PGM2L1: variants seen among roughly 807,000 people sequenced by gnomAD.
PGM2L1 encodes phosphoglucomutase 2 like 1.
Under a neutral mutation model 73.4 loss-of-function variants are expected in PGM2L1, and 35 were observed. The observed-to-expected ratio is 0.48, with a 90% CI of 0.36 to 0.63. The LOEUF is 0.63. Ranked by LOEUF, PGM2L1 falls within the 30% of genes least tolerant of loss-of-function variation. The probability of loss-of-function intolerance (pLI) is 0.00; values close to 1 mark genes in which losing one functional copy is unlikely to be tolerated. For synonymous variants in PGM2L1, 225 were observed against 253.8 expected, an observed-to-expected ratio of 0.89 and a Z score of 1.08; for missense variants, 570 against 742.0, an observed-to-expected ratio of 0.77 and a Z score of 2.69.
chr11:74,370,078 G>A (rs969256642), intron 4 of PGM2L1, among the ~76,000 whole-genome samples: 1 of 152,076 alleles, frequency 6.6e-6, no homozygotes, highest in Non-Finnish European at 1.5e-5. Flanking sequence ...AAGAAATAAA[G>A]TACTTTAGTT....
chr11:74,343,055 A>G (rs372122148), intron 10 of PGM2L1, 41 bp from the exon 11 acceptor site: 3 of 1,558,374 alleles, frequency 1.9e-6, no homozygotes, highest in Admixed American at 4.3e-5. Context: ...GGAAAACTTA[A>G]GGCTATAATT....
chr11:74,384,668 G>GT lies in PGM2L1; in HGVS notation c.112-10087dup, dbSNP rs552679996. 5.9e-5 allele frequency among the ~76,000 whole-genome samples: 9 copies of GT among 152,124 alleles called. No individual in the cohort carries two copies. The East Asian group carries it at 9.6e-4, about 16-fold the overall frequency. ...TCCCTCCAGGAAACTTGTTGTTGTTGTTGTTTGTTTGTTTGTTGTTTTGCT... is the reference window on the plus strand; with the variant it reads ...TCCCTCCAGGAAACTTGTTGTTGTTGTTTGTTTGTTTGTTTGTTGTTTTGCT... On this transcript the variant is annotated intron_variant, in intron 1 of 13. Transcript: ENST00000298198.
intron 5 of PGM2L1, among the ~76,000 whole-genome samples, chr11:74,359,570 T>C (rs1862521380): frequency 6.6e-6 from 1 of 151,850 alleles, no homozygotes; most frequent in African/African-American, 2.4e-5. Context: ...CATACATATA[T>C]ATATATATAT....
chr11:74,343,142 T>C (rs1401152845), intron 10 of PGM2L1, 128 bp from the exon 11 acceptor site: 14 of 1,343,696 alleles, frequency 1.0e-5, no homozygotes, highest in Non-Finnish European at 1.4e-5. Context: ...CAATACTGAG[T>C]GTATTTAGGG....
rs1862205670 is a variant in PGM2L1 at position 74,342,980 on chromosome 11, A to G, written c.1347T>C (p.Asp449=). 1 of 1,607,828 alleles carries G rather than the reference A, an allele frequency of 6.2e-7. No homozygotes were observed. Among genetic ancestry groups the G allele is most frequent in the African/African-American group, 1.3e-5 (1 of 74,668 alleles). Residue 449 remains aspartate (D), a synonymous_variant, in exon 11 of 14, where the codon GAT becomes GAC. Transcript: ENST00000298198. ...FLCGTSVLDK[D]GVSAAVVVAE... is the part of the protein sequence containing the mutation. ...CAACCACAACAGCTGCACTCACCCCATCTTTATCCAAAACTGAAGTTCCAC... is the reference window on the plus strand; with the variant it reads ...CAACCACAACAGCTGCACTCACCCCGTCTTTATCCAAAACTGAAGTTCCAC...
rs1457494386 is a variant in PGM2L1, at chr11:74,330,498, C to T, written c.*6154G>A. The stretch of plus-strand genomic sequence containing the variant: ...GTTAAAACAAGGGCACAATTTTGAA[C>T]TACTGCTACACACTTTAGTCAGAAA... On this transcript the variant is annotated 3_prime_UTR_variant, in exon 14 of 14. Coordinates refer to ENST00000298198, the MANE Select transcript of PGM2L1 (RefSeq NM_173582.6). The T allele has an allele frequency of 1.3e-5, 2 of 152,610 alleles. No homozygotes were observed. The highest frequency in any genetic ancestry group is 2.4e-5 in the African/African-American group (1 of 41,442). 9.5% of individuals were successfully genotyped at this position (152,610 alleles called of 1,614,324 possible).
chr11:74,346,685 T>C lies in PGM2L1; in HGVS notation c.1037+47A>G, dbSNP rs200709058. The C allele has an allele frequency of 7.6e-5, 109 of 1,437,910 alleles. No individual in the cohort carries two copies. The African/African-American group carries it at 1.4e-3, about 18-fold the overall frequency. The allele number at this position is 1,437,910 out of a possible 1,614,324, so 89.1% of individuals were successfully genotyped here. ...TGAGCCTGTAAGACTTAAAATACATTGCTTTTCAAAGTTCAAGCTTTTAAT... is the reference window on the plus strand; with the variant it reads ...TGAGCCTGTAAGACTTAAAATACATCGCTTTTCAAAGTTCAAGCTTTTAAT... On this transcript the variant is annotated intron_variant, in intron 8 of 13. Transcript: ENST00000298198.
intron 5 of PGM2L1, among the ~76,000 whole-genome samples, chr11:74,364,747 C>T (rs997379944): frequency 2.6e-5 from 4 of 152,196 alleles, no homozygotes; most frequent in African/African-American, 9.7e-5. Context: ...ATTCCATGCT[C>T]ATGGATAGGA....
chr11:74,362,970 T>C (rs1272171364), intron 5 of PGM2L1, among the ~76,000 whole-genome samples: 12 of 152,158 alleles, frequency 7.9e-5, no homozygotes, highest in Non-Finnish European at 1.5e-4. Flanking sequence ...TGTTCCAAAA[T>C]TGACCACATA....
intron 1 of PGM2L1, among the ~76,000 whole-genome samples, chr11:74,380,396 C>G (rs1158138824): frequency 6.6e-6 from 1 of 151,996 alleles, no homozygotes; most frequent in Non-Finnish European, 1.5e-5. Flanking sequence ...TTGTGTAATT[C>G]TAAATTTAAT....
chr11:74,339,638 G>C (rs1161900060), intron 12 of PGM2L1, among the ~76,000 whole-genome samples: 2 of 151,992 alleles, frequency 1.3e-5, no homozygotes. Flanking sequence ...TTGAATTCAG[G>C]TGACCATCAC....
intron 5 of PGM2L1, among the ~76,000 whole-genome samples, chr11:74,366,327 G>A (rs1336137902): frequency 4.0e-5 from 6 of 149,390 alleles, no homozygotes; most frequent in Admixed American, 6.7e-5. Context: ...AAACCTGCAC[G>A]TTGTGCACAT....
At position 74,389,775 on chromosome 11, in the gene PGM2L1, A is replaced by G. The variant is rs2134953502; in HGVS notation, c.111+8276T>C. On this transcript the variant is annotated intron_variant, in intron 1 of 13. Transcript: ENST00000298198. ...GGGAAAATAATTTTAGATCAAAGAC[A>G]TATCCGAATAGGTTTCTAACGGCCT... Among the ~76,000 whole-genome samples, 3 of 150,520 alleles carry G rather than the reference A, an allele frequency of 2.0e-5. No homozygotes were observed. In the Middle Eastern group the frequency reaches 0.01, roughly 515 times the overall value.
At chr11:74,388,087 G>C (rs1035751517) in intron 1 of PGM2L1, among the ~76,000 whole-genome samples, 1 of 152,154 alleles carries the variant, frequency 6.6e-6, no homozygotes. Flanking sequence ...TCACTTATAT[G>C]AGGTATCTAA....
intron 1 of PGM2L1, among the ~76,000 whole-genome samples, chr11:74,383,797 A>G (rs1862981503): frequency 6.8e-6 from 1 of 145,994 alleles, no homozygotes; most frequent in South Asian, 2.1e-4. Flanking sequence ...TTATGTATAC[A>G]TAGTATTCTA....
chr11:74,383,664 T>C (rs1174527279), intron 1 of PGM2L1, among the ~76,000 whole-genome samples: 1 of 151,910 alleles, frequency 6.6e-6, no homozygotes, highest in Non-Finnish European at 1.5e-5. Flanking sequence ...GTTCTCATTG[T>C]TCAGCTCCCA....
rs1862094215 is a variant in PGM2L1 at position 74,336,306 on chromosome 11, A to C, written c.*346T>G. 1 of 158,180 alleles carries C rather than the reference A, an allele frequency of 6.3e-6. No homozygotes were observed. The highest frequency in any genetic ancestry group is 2.4e-5 in the African/African-American group (1 of 41,656). 9.8% of individuals were successfully genotyped at this position (158,180 alleles called of 1,614,324 possible). A position where few individuals can be genotyped will look rare whatever the true frequency, so the allele number is the denominator to read the frequency against. ...TTTTTTCTTTTACCATGCTATACAC[A>C]ATTACGAGATACAGAACTAGGCTTA... On this transcript the variant is annotated 3_prime_UTR_variant, in exon 14 of 14. Transcript: ENST00000298198.
At position 74,387,793 on chromosome 11, in the gene PGM2L1, T is replaced by C. The variant is rs532765419; in HGVS notation, c.111+10258A>G. On this transcript the variant is annotated intron_variant, in intron 1 of 13. Transcript: ENST00000298198. ...ATTTATATTTTAAATTTTACTTTAT[T>C]ATGAATTACAGTAACACATTTCTCT... 1.2e-3 allele frequency among the ~76,000 whole-genome samples: 183 copies of C among 152,330 alleles called. 1 individual carries two copies. The highest frequency in any genetic ancestry group is 4.3e-3 in the African/African-American group (177 of 41,578).
chr11:74,370,622 A>T (rs758645407), intron 4 of PGM2L1, among the ~76,000 whole-genome samples: 2 of 152,186 alleles, frequency 1.3e-5, no homozygotes, highest in Non-Finnish European at 2.9e-5. Context: ...TCTATCCTTC[A>T]TCATTTTTGT....
Sources: gnomAD v4.1 joint callset for allele counts (sites outside exome capture counted in the v4.1 genomes callset) on GRCh38, gnomAD v4.1.1 for gene constraint, MANE v1.5 for transcripts, NCBI Gene and HGNC (gene_info 2026-07-23, HGNC 2026-07-21) for gene names.